Variants in TMTC3 observed in about 807,000 individuals in gnomAD.
The protein encoded by TMTC3 is protein O-mannosyl-transferase TMTC3.
In TMTC3, 52 loss-of-function variants were observed where a neutral mutation model predicts 92.2. The ratio of observed to expected loss-of-function variants is 0.56; its 90% confidence interval spans 0.45 to 0.71. The LOEUF is 0.71. Ranked by LOEUF, TMTC3 falls within the 30% of genes least tolerant of loss-of-function variation. The pLI is 0.00. For synonymous variants in TMTC3, 339 were observed against 363.3 expected (o/e 0.93, Z 0.76); for missense variants, 896 against 1,057.1 (o/e 0.85, Z 2.11).
intron 2 of TMTC3, among the ~76,000 whole-genome samples, chr12:88,149,479 T>C (rs1011115587): frequency 1.2e-4 from 19 of 152,170 alleles, no homozygotes; most frequent in Non-Finnish European, 2.8e-4. Flanking sequence ...TATTGATTTC[T>C]AAACTAAAAT....
At chr12:88,194,746 CTT>C in intron 13 of TMTC3, 90 bp from the exon 14 acceptor site, 1 of 887,100 alleles carries the variant, frequency 1.1e-6, no homozygotes, top group East Asian at 3.0e-5. Flanking sequence ...TTGAAGCTGT[CTT>C]TTTGTAATCT....
intron 3 of TMTC3, among the ~76,000 whole-genome samples, chr12:88,153,727 A>T (rs1192876708): frequency 6.6e-6 from 1 of 152,072 alleles, no homozygotes; most frequent in Non-Finnish European, 1.5e-5. Flanking sequence ...CATTTTTGAA[A>T]CATAAACATT....
intron 6 of TMTC3, among the ~76,000 whole-genome samples, chr12:88,163,442 G>A (rs2041103577): frequency 6.6e-6 from 1 of 152,140 alleles, no homozygotes; most frequent in Non-Finnish European, 1.5e-5. Context: ...GTTTTCTGAA[G>A]GCTGCTGTAA....
At position 88,154,653 on chromosome 12, in the gene TMTC3, G is replaced by C. The variant is rs554506586; in HGVS notation, c.508+266G>C. Among the ~76,000 whole-genome samples, 95 of 152,256 alleles carry C rather than the reference G, an allele frequency of 6.2e-4. 1 individual carries two copies. Among genetic ancestry groups the C allele is most frequent in the Middle Eastern group, 3.4e-3 (1 of 294 alleles). ...AACCAAATAACCTTAGAATAGAAGA[G>C]TTTTAGAGTTAGTCCTAGTTCCATC... On this transcript the variant is annotated intron_variant, in intron 4 of 13. Transcript: ENST00000266712.
chr12:88,148,568 T>A, intron 2 of TMTC3, 64 bp downstream of exon 2: 1 of 1,212,880 alleles, frequency 8.2e-7, no homozygotes, highest in African/African-American at 1.5e-5. Context: ...GGTATTTTAT[T>A]ACTTCTAATT....
At chr12:88,186,326 G>A (rs989898652) in intron 10 of TMTC3, among the ~76,000 whole-genome samples, 3 of 152,168 alleles carry the variant, frequency 2.0e-5, no homozygotes, top group African/African-American at 7.2e-5. Context: ...ATGCAGGTAA[G>A]TTGATAACCT....
At chr12:88,161,616 C>G (rs1565947224) in intron 6 of TMTC3, among the ~76,000 whole-genome samples, 1 of 151,616 alleles carries the variant, frequency 6.6e-6, no homozygotes, top group Non-Finnish European at 1.5e-5. Flanking sequence ...TTTGTCTCAT[C>G]TAATCTTTGT....
chr12:88,145,871 A>G lies in TMTC3; in HGVS notation c.-28-2417A>G, dbSNP rs2040867173. ...TTCACCCTAATTTTTTCTTATAGAC[A>G]TAATGAATTGAGATCCCAAGTTTTA... On this transcript the variant is annotated intron_variant, in intron 1 of 13. Transcript: ENST00000266712. Among the ~76,000 whole-genome samples, 3 of 152,194 alleles carry G rather than the reference A, an allele frequency of 2.0e-5. No individual in the cohort carries two copies. The South Asian group carries it at 6.2e-4, about 32-fold the overall frequency.
At chr12:88,165,472 T>A (rs2041133287) in intron 6 of TMTC3, among the ~76,000 whole-genome samples, 2 of 152,084 alleles carry the variant, frequency 1.3e-5, no homozygotes, top group South Asian at 4.1e-4. Context: ...ATATTATTTG[T>A]TCAAATAGTA....
Position 88,195,603 on chromosome 12 carries a change from C to A in TMTC3, c.2699C>A (p.Ala900Asp). 6.2e-7 allele frequency: 1 copy of A among 1,601,988 alleles called. No homozygotes were observed. Among genetic ancestry groups the A allele is most frequent in the Non-Finnish European group, 8.5e-7 (1 of 1,176,972 alleles). ...GAAATTGAGAAGAAAAGAGTTGCTG[C>A]TTTAAAAAGACTAGAAGAGATTGAA... ...IKEIEKKRVA[A>D]LKRLEEIERI... The change falls in exon 14 of 14, where the codon GCT (alanine) becomes GAT (aspartate). Residue 900 changes from alanine to aspartate, a missense_variant. Coordinates refer to ENST00000266712, the MANE Select transcript of TMTC3 (RefSeq NM_181783.4).
At chr12:88,178,384 C>T (rs991911373) in intron 10 of TMTC3, among the ~76,000 whole-genome samples, 17 of 152,092 alleles carry the variant, frequency 1.1e-4, no homozygotes, top group Non-Finnish European at 2.2e-4. Flanking sequence ...TAGAATTTCT[C>T]CCTTCTCCCT....
intron 1 of TMTC3, among the ~76,000 whole-genome samples, chr12:88,143,402 G>A (rs1160045091): frequency 6.6e-6 from 1 of 152,092 alleles, no homozygotes; most frequent in African/African-American, 2.4e-5. Flanking sequence ...TCATTATCTT[G>A]TTTATTCTTC....
chr12:88,184,145 AAC>A (rs1357767665), intron 10 of TMTC3, among the ~76,000 whole-genome samples: 1 of 152,080 alleles, frequency 6.6e-6, no homozygotes, highest in Non-Finnish European at 1.5e-5. Context: ...CAGCACCACC[AAC>A]AAGAGAGTGC....
At chr12:88,189,759 C>T (rs2041422129) in intron 11 of TMTC3, among the ~76,000 whole-genome samples, 1 of 152,060 alleles carries the variant, frequency 6.6e-6, no homozygotes, top group African/African-American at 2.4e-5. Context: ...TAAGGACTCA[C>T]TTGTCTGGTG....
intron 6 of TMTC3, among the ~76,000 whole-genome samples, chr12:88,165,782 C>T (rs1423991405): frequency 1.3e-5 from 2 of 152,046 alleles, no homozygotes; most frequent in Non-Finnish European, 2.9e-5. Flanking sequence ...TGGTTTTTAG[C>T]TTCCTAGGAG....
Position 88,195,572 on chromosome 12 carries a change from A to G in TMTC3, c.2668A>G (p.Ile890Val), listed in dbSNP as rs1238686218. ...EETPHKTTKD[I>V]KEIEKKRVAA... ...GACACCCCACAAAACAACAAAAGAC[A>G]TCAAAGAAATTGAGAAGAAAAGAGT... is the stretch of plus-strand genomic sequence containing the variant. The change falls in exon 14 of 14, where the codon ATC (isoleucine) becomes GTC (valine). Residue 890 changes from isoleucine (I) to valine (V), a missense_variant. By Grantham distance (29) the Ile-to-Val change is conservative. Transcript: ENST00000266712. The G allele has an allele frequency of 1.9e-6, 3 of 1,608,588 alleles. No individual in the cohort carries two copies. The highest frequency in any genetic ancestry group is 1.7e-5 in the Admixed American group (1 of 58,790).
At chr12:88,180,196 T>G in intron 10 of TMTC3, among the ~76,000 whole-genome samples, 1 of 152,160 alleles carries the variant, frequency 6.6e-6, no homozygotes, top group East Asian at 1.9e-4. Context: ...CATCCTAGAA[T>G]TAGTAAATAA....
At chr12:88,155,515 T>C (rs2040996785) in intron 4 of TMTC3, among the ~76,000 whole-genome samples, 1 of 152,198 alleles carries the variant, frequency 6.6e-6, no homozygotes, top group Non-Finnish European at 1.5e-5. Flanking sequence ...GCCCTAGCTG[T>C]CTTCACTATA....
chr12:88,182,606 C>G (rs961998622), intron 10 of TMTC3, among the ~76,000 whole-genome samples: 99 of 152,160 alleles, frequency 6.5e-4, no homozygotes, highest in African/African-American at 2.2e-3. Context: ...GGTGCTATGA[C>G]TAAACCTCTT....
Sources: gnomAD v4.1 joint callset for allele counts (sites outside exome capture counted in the v4.1 genomes callset) on GRCh38, gnomAD v4.1.1 for gene constraint, MANE v1.5 for transcripts, NCBI Gene and HGNC (gene_info 2026-07-23, HGNC 2026-07-21) for gene names.